The following PDE1C variants were observed in gnomAD, a reference collection of about 807,000 sequenced individuals.
PDE1C encodes phosphodiesterase 1C.
A neutral mutation model predicts 93.1 loss-of-function variants in PDE1C; 62 were observed. That is an observed-to-expected ratio of 0.67 (90% confidence interval 0.54 to 0.82). PDE1C has a LOEUF of 0.82. Ranked by LOEUF, PDE1C falls within the 40% of genes least tolerant of loss-of-function variation. The pLI is 0.00. For missense variants in PDE1C, 742 were observed against 884.6 expected, an observed-to-expected ratio of 0.84 and a Z score of 2.04; for synonymous variants, 325 against 310.1, an observed-to-expected ratio of 1.05 and a Z score of -0.50.
intron 1 of PDE1C, among the ~76,000 whole-genome samples, chr7:32,421,086 A>AAC (rs3079693): frequency 0.32 from 47,968 of 150,424 alleles, 8,347 homozygotes; most frequent in Non-Finnish European, 0.39. Flanking sequence ...GATTAAAACT[A>AAC]ACACACACAC....
chr7:31,743,206 C>G, the PDE1C span, among the ~76,000 whole-genome samples: 2 of 152,166 alleles, frequency 1.3e-5, no homozygotes, highest in African/African-American at 4.8e-5. Context: ...TTTGTAAAAA[C>G]TATTTTCATT....
At chr7:32,005,279 G>A (rs376277740) in intron 2 of PDE1C, among the ~76,000 whole-genome samples, 28 of 151,956 alleles carry the variant, frequency 1.8e-4, no homozygotes, top group African/African-American at 4.1e-4. Context: ...GATTCTGGCC[G>A]GGTGCGGTGG....
Position 31,823,248 on chromosome 7 carries a change from A to G in PDE1C, c.1407T>C (p.Ser469=). 1.2e-6 allele frequency: 2 copies of G among 1,601,744 alleles called. No individual in the cohort carries two copies. Among genetic ancestry groups the G allele is most frequent in the South Asian group, 2.3e-5 (2 of 88,760 alleles). ...QTGGTGQRRS[S]LNSISSSDAK... is the part of the protein sequence containing the mutation. ...CATCTGACGAGCTGATGCTATTCAAACTGGAAAACAAAAAAATCATACCAA... is the reference window on the plus strand; with the variant it reads ...CATCTGACGAGCTGATGCTATTCAAGCTGGAAAACAAAAAAATCATACCAA... Residue 469 remains serine (S), a splice_region_variant and synonymous_variant, in exon 14 of 18, where the codon AGT becomes AGC. Coordinates refer to ENST00000396191, the MANE Select transcript of PDE1C (RefSeq NM_001191057.4).
rs1178427625 is a variant in PDE1C at position 32,308,672 on chromosome 7, A to G, written c.311-99133T>C. The stretch of plus-strand genomic sequence containing the variant: ...GTGGACCCCTAGCAAACTCCAACAG[A>G]CCTGCAGCTGAGGGTCCTGTCTGTT... On this transcript the variant is annotated intron_variant, in intron 1 of 1. Transcript: ENST00000672256. Among the ~76,000 whole-genome samples, 4 of 152,258 alleles carry G rather than the reference A, an allele frequency of 2.6e-5. No homozygotes were observed. In the East Asian group the frequency reaches 5.8e-4, roughly 22 times the overall value.
chr7:32,207,473 C>T (rs1436005518), intron 2 of PDE1C, among the ~76,000 whole-genome samples: 7 of 152,088 alleles, frequency 4.6e-5, no homozygotes, highest in South Asian at 4.1e-4. Context: ...AAGCATCAAT[C>T]GGACATTGCT....
intron 1 of PDE1C, among the ~76,000 whole-genome samples, chr7:32,284,319 G>A (rs974644262): frequency 6.6e-6 from 1 of 152,312 alleles, no homozygotes; most frequent in South Asian, 2.1e-4. Flanking sequence ...CAGAACTGGT[G>A]TCAAGTCCCA....
At chr7:31,972,830 C>G (rs1020934941) in intron 2 of PDE1C, among the ~76,000 whole-genome samples, 1 of 152,116 alleles carries the variant, frequency 6.6e-6, no homozygotes, top group Non-Finnish European at 1.5e-5. Flanking sequence ...AGAAGCACAG[C>G]CAGCACCAGG....
rs145450157 is a variant in PDE1C at position 31,967,633 on chromosome 7, C to A, written c.128+83921G>T. On this transcript the variant is annotated intron_variant, in intron 2 of 17. Coordinates refer to ENST00000396191, the MANE Select transcript of PDE1C (RefSeq NM_001191057.4). ...TATGAGGCCAGCATCATCCTGATAC[C>A]AAAGCCTGGCAGAGACACAACAAAC... Among the ~76,000 whole-genome samples the A allele has an allele frequency of 3.4e-3, 514 of 152,196 alleles. 3 individuals carry two copies. Among genetic ancestry groups the A allele is most frequent in the African/African-American group, 0.012 (478 of 41,498 alleles).
At chr7:32,209,471 G>A in intron 2 of PDE1C, 1 of 1,565,198 alleles carries the variant, frequency 6.4e-7, no homozygotes, top group Non-Finnish European at 8.7e-7. Flanking sequence ...GGAAAGGAGT[G>A]AAACAAGATT....
chr7:31,933,509 C>G (rs1171761502), intron 2 of PDE1C, among the ~76,000 whole-genome samples: 3 of 152,282 alleles, frequency 2.0e-5, no homozygotes, highest in African/African-American at 7.2e-5. Flanking sequence ...CCAACCACAG[C>G]TAATAGGGCC....
the PDE1C span, among the ~76,000 whole-genome samples, chr7:31,724,588 G>A: frequency 6.6e-6 from 1 of 152,136 alleles, no homozygotes; most frequent in African/African-American, 2.4e-5. Context: ...TTAGCCCAGT[G>A]CCCCACAGCC....
intron 2 of PDE1C, among the ~76,000 whole-genome samples, chr7:31,952,165 T>A (rs190418571): frequency 1.3e-5 from 2 of 152,248 alleles, no homozygotes; most frequent in East Asian, 3.9e-4. Context: ...AATGCTCAAG[T>A]TTTATCTAAT....
At chr7:31,897,382 G>A (rs550538354) in intron 2 of PDE1C, among the ~76,000 whole-genome samples, 14 of 152,288 alleles carry the variant, frequency 9.2e-5, no homozygotes, top group South Asian at 6.2e-4. Context: ...TTATACATTC[G>A]TGGACTTAAA....
chr7:31,697,195 G>A, the PDE1C span: 2 of 1,542,314 alleles, frequency 1.3e-6, no homozygotes, highest in Non-Finnish European at 1.7e-6. Context: ...GGTCCCCAGG[G>A]CCTGGCCGTT....
chr7:31,647,074 A>G, the PDE1C span, among the ~76,000 whole-genome samples: 32 of 152,256 alleles, frequency 2.1e-4, no homozygotes, highest in Non-Finnish European at 3.5e-4. Flanking sequence ...GCAGGCATAC[A>G]TATGCACACA....
At chr7:31,652,491 C>G in the PDE1C span, 1 of 1,558,610 alleles carries the variant, frequency 6.4e-7, no homozygotes, top group Non-Finnish European at 8.7e-7. Flanking sequence ...GTGCTGTTTA[C>G]TCTTTTTCCT....
chr7:32,327,769 C>CAAAAA (rs34543961), intron 1 of PDE1C, among the ~76,000 whole-genome samples: 28 of 104,764 alleles, frequency 2.7e-4, no homozygotes, highest in Non-Finnish European at 4.9e-4. Context: ...GACTCTGTCT[C>CAAAAA]AAAAAAAAAA....
chr7:31,622,776 A>C, the PDE1C span, among the ~76,000 whole-genome samples: 1 of 152,152 alleles, frequency 6.6e-6, no homozygotes, highest in Non-Finnish European at 1.5e-5. Context: ...ACTGAAGGAA[A>C]TAGAGACACA....
At chr7:31,618,471 G>A in the PDE1C span, among the ~76,000 whole-genome samples, 2 of 152,272 alleles carry the variant, frequency 1.3e-5, no homozygotes, top group East Asian at 3.9e-4. Context: ...TGGTCAAGAA[G>A]GGAAATATTT....
Sources: allele counts gnomAD v4.1 joint callset (sites outside exome capture counted in the v4.1 genomes callset), GRCh38; gene constraint gnomAD v4.1.1; transcripts MANE v1.5; gene names NCBI Gene and HGNC (gene_info 2026-07-23, HGNC 2026-07-21).